Variants in MEF2A observed in about 807,000 individuals in gnomAD.
The protein encoded by MEF2A is myocyte enhancer factor 2A.
MEF2A carries 28 observed loss-of-function variants against 55.8 expected under a neutral mutation model. The observed-to-expected ratio is 0.50, with a 90% CI of 0.37 to 0.69. The LOEUF (loss-of-function observed/expected upper bound fraction) is 0.69, where lower values mean the gene tolerates loss of function less well. Among genes scored for constraint, MEF2A ranks in the 30% least tolerant of loss-of-function variants. The pLI is 0.00. For missense variants in MEF2A, 528 were observed against 626.2 expected (o/e 0.84, Z 1.67); for synonymous variants, 239 against 227.1 (o/e 1.05, Z -0.47).
At chr15:99,652,766 C>T (rs1360066641) in intron 4 of MEF2A, among the ~76,000 whole-genome samples, 1 of 151,960 alleles carries the variant, frequency 6.6e-6, no homozygotes, top group African/African-American at 2.4e-5. Context: ...GTTAGAACTG[C>T]GTGGTAATTT....
At chr15:99,632,202 C>T (rs945759859) in intron 2 of MEF2A, among the ~76,000 whole-genome samples, 4 of 152,068 alleles carry the variant, frequency 2.6e-5, no homozygotes, top group Admixed American at 2.0e-4. Context: ...CACACACACA[C>T]GAAGGTGCTG....
chr15:99,595,812 G>C (rs567657364), intron 1 of MEF2A, among the ~76,000 whole-genome samples: 47 of 152,270 alleles, frequency 3.1e-4, no homozygotes, highest in Non-Finnish European at 5.6e-4. Context: ...GTTATTTCCA[G>C]GTGGAGGTAA....
intron 2 of MEF2A, among the ~76,000 whole-genome samples, chr15:99,618,984 A>G (rs1234313006): frequency 6.6e-6 from 1 of 152,258 alleles, no homozygotes. Context: ...AGGAAGATCT[A>G]CATTCCAAAG....
intron 8 of MEF2A, among the ~76,000 whole-genome samples, chr15:99,698,484 A>G (rs2056849461): frequency 6.6e-6 from 1 of 152,302 alleles, no homozygotes; most frequent in Admixed American, 6.5e-5. Flanking sequence ...CATCTAGTAA[A>G]ATGGCTAAAA....
At chr15:99,574,012 A>C (rs1473671421) in intron 1 of MEF2A, among the ~76,000 whole-genome samples, 1 of 152,162 alleles carries the variant, frequency 6.6e-6, no homozygotes, top group East Asian at 1.9e-4. Flanking sequence ...AAATGGCTTA[A>C]TTTCCACAAA....
At chr15:99,659,580 G>A (rs1179722678) in intron 4 of MEF2A, among the ~76,000 whole-genome samples, 5 of 152,152 alleles carry the variant, frequency 3.3e-5, no homozygotes, top group Admixed American at 1.3e-4. Context: ...GTCCATTTAA[G>A]AAATGAGCAT....
chr15:99,674,340 T>G, intron 5 of MEF2A, 53 bp from the exon 6 acceptor site: 1 of 1,503,248 alleles, frequency 6.7e-7, no homozygotes, highest in Non-Finnish European at 9.0e-7. Flanking sequence ...AAAAGTTACT[T>G]TGTAGATGAA....
At chr15:99,630,979 A>G (rs1026705241) in intron 2 of MEF2A, among the ~76,000 whole-genome samples, 1 of 152,178 alleles carries the variant, frequency 6.6e-6, no homozygotes, top group Non-Finnish European at 1.5e-5. Context: ...ATGAGTCCAG[A>G]GACTGGTCTC....
At chr15:99,610,869 A>G (rs1977013129) in intron 2 of MEF2A, among the ~76,000 whole-genome samples, 1 of 152,252 alleles carries the variant, frequency 6.6e-6, no homozygotes, top group Admixed American at 6.5e-5. Flanking sequence ...AAATAACATC[A>G]GAAGTAGAAA....
chr15:99,591,491 G>A (rs1252041881), intron 1 of MEF2A, among the ~76,000 whole-genome samples: 1 of 152,074 alleles, frequency 6.6e-6, no homozygotes, highest in Non-Finnish European at 1.5e-5. Flanking sequence ...TTTCTATTAT[G>A]TGCCTTGGTG....
intron 2 of MEF2A, among the ~76,000 whole-genome samples, chr15:99,625,374 T>G (rs891131557): frequency 3.9e-5 from 6 of 152,190 alleles, no homozygotes; most frequent in Non-Finnish European, 7.4e-5. Flanking sequence ...AAGATCATGC[T>G]TGCTCATGAA....
chr15:99,670,893 A>G (rs866398725), intron 4 of MEF2A, among the ~76,000 whole-genome samples: 3 of 152,270 alleles, frequency 2.0e-5, no homozygotes, highest in South Asian at 2.1e-4. Context: ...ATAGGCAGAA[A>G]GGAAGAATAC....
At chr15:99,637,495 G>T (rs1287449806) in intron 3 of MEF2A, among the ~76,000 whole-genome samples, 7 of 152,122 alleles carry the variant, frequency 4.6e-5, no homozygotes, top group Admixed American at 3.9e-4. Flanking sequence ...GTATACTTAA[G>T]AATTGCTAGA....
intron 8 of MEF2A, among the ~76,000 whole-genome samples, chr15:99,693,464 C>T (rs980152056): frequency 1.3e-5 from 2 of 152,096 alleles, no homozygotes; most frequent in Non-Finnish European, 2.9e-5. Context: ...CACACTCTCA[C>T]TCCTAGACTG....
At chr15:99,710,567 C>T (rs981148998) in intron 10 of MEF2A, 67 bp from the exon 11 acceptor site, 18 of 1,565,048 alleles carry the variant, frequency 1.2e-5, no homozygotes, top group Middle Eastern at 1.7e-4. Context: ...TTTGCAGTAG[C>T]TACGTAAAAA....
intron 4 of MEF2A, among the ~76,000 whole-genome samples, chr15:99,667,819 A>G (rs1051669719): frequency 3.3e-5 from 5 of 152,226 alleles, no homozygotes; most frequent in African/African-American, 9.6e-5. Flanking sequence ...TTCTGTTTAC[A>G]GAGTTGGAAA....
intron 8 of MEF2A, among the ~76,000 whole-genome samples, chr15:99,700,832 CAA>C (rs2057305744): frequency 6.6e-6 from 1 of 151,652 alleles, no homozygotes; most frequent in Non-Finnish European, 1.5e-5. Context: ...ATTTGAGTAA[CAA>C]AATAACAATA....
In MEF2A at chr15:99,712,848, A is replaced by G; in HGVS notation, c.*77A>G. ...CATATCTAAATCGGTAAATAAGGACATGAGTTAAATATATTTATATGTACA... is the reference window on the plus strand; with the variant it reads ...CATATCTAAATCGGTAAATAAGGACGTGAGTTAAATATATTTATATGTACA... On this transcript the variant is annotated 3_prime_UTR_variant, in exon 12 of 12. Transcript: ENST00000557942. This position sits in a 1 kb window ranked among gnomAD's most constrained non-coding sequence, Gnocchi z 4.1. The G allele has an allele frequency of 7.1e-7, 1 of 1,403,934 alleles. No individual in the cohort carries two copies. Among genetic ancestry groups the G allele is most frequent in the Non-Finnish European group, 9.6e-7 (1 of 1,037,030 alleles). 87.0% of individuals were successfully genotyped at this position (1,403,934 alleles called of 1,614,324 possible).
chr15:99,565,608 G>A (rs1340632388), upstream of MEF2A: 1 of 152,132 alleles, frequency 6.6e-6, no homozygotes, highest in Non-Finnish European at 1.5e-5. Flanking sequence ...GTCCTTCAGA[G>A]GAAAGCGAGC....
Sources: gnomAD v4.1 joint callset for allele counts (sites outside exome capture counted in the v4.1 genomes callset) on GRCh38, gnomAD v4.1.1 for gene constraint, Gnocchi (gnomAD v3.1) non-coding constraint, MANE v1.5 for transcripts, NCBI Gene and HGNC (gene_info 2026-07-23, HGNC 2026-07-21) for gene names.